The following HOOK1 variants were observed in gnomAD, a reference collection of about 807,000 sequenced individuals.
HOOK1 encodes the protein protein Hook homolog 1.
HOOK1 carries 60 observed loss-of-function variants against 112.8 expected under a neutral mutation model. That is an observed-to-expected ratio of 0.53 (90% CI 0.43 to 0.66). HOOK1 has a LOEUF of 0.66. HOOK1 is among the 30% of genes least tolerant of loss of function. HOOK1 has a pLI of 0.00. For missense variants in HOOK1, 770 were observed against 856.0 expected (o/e 0.90, Z 1.25); for synonymous variants, 294 against 283.8 (o/e 1.04, Z -0.36).
At chr1:59,824,485 C>A (rs556503318) in intron 2 of HOOK1, among the ~76,000 whole-genome samples, 57 of 152,156 alleles carry the variant, frequency 3.7e-4, no homozygotes, top group Non-Finnish European at 6.2e-4. Context: ...GGATTACAGG[C>A]GTGAGCCACC....
chr1:59,862,406 A>T (rs2098414110), intron 15 of HOOK1, among the ~76,000 whole-genome samples: 1 of 152,178 alleles, frequency 6.6e-6, no homozygotes, highest in Non-Finnish European at 1.5e-5. Flanking sequence ...CTCTTCCAAT[A>T]CGCTGTGAAA....
chr1:59,868,927 AT>A (rs1644012590), intron 20 of HOOK1, among the ~76,000 whole-genome samples: 3 of 152,164 alleles, frequency 2.0e-5, no homozygotes, highest in Non-Finnish European at 4.4e-5. Flanking sequence ...TTTTAAAGAT[AT>A]TTTTGTGTTA....
intron 1 of HOOK1, among the ~76,000 whole-genome samples, chr1:59,820,938 T>C (rs1025535601): frequency 2.0e-5 from 3 of 152,204 alleles, no homozygotes; most frequent in Non-Finnish European, 2.9e-5. Context: ...TGTTAGATAA[T>C]GGAGGTCTGA....
chr1:59,817,597 A>G (rs144515942), intron 1 of HOOK1, among the ~76,000 whole-genome samples: 3 of 152,250 alleles, frequency 2.0e-5, no homozygotes, highest in East Asian at 1.9e-4. Context: ...CTTCAAGCCT[A>G]TCATGCTGCA....
intron 9 of HOOK1, among the ~76,000 whole-genome samples, chr1:59,845,616 A>T (rs2098403344): frequency 6.6e-6 from 1 of 151,180 alleles, no homozygotes; most frequent in African/African-American, 2.4e-5. Flanking sequence ...GATTTTTGTC[A>T]GATGATTTTT....
chr1:59,853,318 T>C (rs752032253), intron 12 of HOOK1, among the ~76,000 whole-genome samples: 5 of 152,082 alleles, frequency 3.3e-5, no homozygotes, highest in Non-Finnish European at 7.4e-5. Context: ...GTAATTGTTA[T>C]ATCTTCCTGA....
At chr1:59,821,819 T>C in intron 1 of HOOK1, 39 bp from the exon 2 acceptor site, 1 of 1,406,292 alleles carries the variant, frequency 7.1e-7, no homozygotes, top group Non-Finnish European at 9.7e-7. Flanking sequence ...CTTGTAGGTA[T>C]AAAGAAGCAG....
chr1:59,844,082 A>G (rs1482422335), intron 9 of HOOK1, among the ~76,000 whole-genome samples: 2 of 152,022 alleles, frequency 1.3e-5, no homozygotes, highest in Non-Finnish European at 2.9e-5. Context: ...GACCTTGAGG[A>G]CAGGCACTCT....
At chr1:59,816,487 T>C (rs2098381633) in intron 1 of HOOK1, among the ~76,000 whole-genome samples, 1 of 152,260 alleles carries the variant, frequency 6.6e-6, no homozygotes, top group East Asian at 1.9e-4. Flanking sequence ...CCGAATCTGC[T>C]ACATTATTGT....
At position 59,874,342 on chromosome 1, in the gene HOOK1, A is replaced by T. The variant is rs940596335; in HGVS notation, c.*1377A>T. The T allele has an allele frequency of 6.6e-6, 1 of 152,170 alleles. No individual in the cohort carries two copies. Among genetic ancestry groups the T allele is most frequent in the Non-Finnish European group, 1.5e-5 (1 of 68,004 alleles). 9.4% of individuals were successfully genotyped at this position (152,170 alleles called of 1,614,324 possible). The stretch of plus-strand genomic sequence containing the variant: ...ATGTTAGACCACAAAAAGAAGAAAA[A>T]TGTTAGGACTATTTCAGATATAAAA... On this transcript the variant is annotated 3_prime_UTR_variant, in exon 22 of 22. Coordinates refer to ENST00000371208, the MANE Select transcript of HOOK1 (RefSeq NM_015888.6).
rs1008067928 is a variant in HOOK1, at chr1:59,860,469, C to T, written c.1532+141C>T. 1.9e-5 allele frequency: 12 copies of T among 631,314 alleles called. No homozygotes were observed. In the South Asian group the frequency reaches 3.8e-4, roughly 20 times the overall value. The allele number at this position is 631,314 out of a possible 1,614,324, so 39.1% of individuals were successfully genotyped here. ...ATAGTTTAATATTTTTGTTAGTAGT[C>T]TTTCATCACTATAAGCTTCTCTCTG... On this transcript the variant is annotated intron_variant, in intron 15 of 21. Transcript: ENST00000371208.
chr1:59,865,096 C>A, intron 17 of HOOK1, 67 bp from the exon 18 acceptor site: 2 of 931,492 alleles, frequency 2.1e-6, no homozygotes, highest in Non-Finnish European at 1.8e-6. Flanking sequence ...GGTCAGAAAG[C>A]AACTTGCCCA....
intron 1 of HOOK1, among the ~76,000 whole-genome samples, chr1:59,815,704 T>C (rs752424423): frequency 9.9e-5 from 15 of 152,048 alleles, no homozygotes; most frequent in Non-Finnish European, 1.9e-4. Context: ...TTCAGGACTC[T>C]AGAACATCCG....
intron 3 of HOOK1, among the ~76,000 whole-genome samples, 153 bp downstream of exon 3, chr1:59,829,005 T>C (rs2098391959): frequency 6.6e-6 from 1 of 152,132 alleles, no homozygotes; most frequent in South Asian, 2.1e-4. Context: ...GTAACTACCA[T>C]CATAATTAAA....
At chr1:59,824,945 T>G (rs2098388745) in intron 2 of HOOK1, among the ~76,000 whole-genome samples, 1 of 152,178 alleles carries the variant, frequency 6.6e-6, no homozygotes, top group South Asian at 2.1e-4. Flanking sequence ...TCTCACACTT[T>G]TGGAGGCTAG....
chr1:59,836,206 C>CT (rs1015197106), intron 6 of HOOK1, among the ~76,000 whole-genome samples: 2 of 152,048 alleles, frequency 1.3e-5, no homozygotes, highest in African/African-American at 4.8e-5. Context: ...GTCTAGTTAT[C>CT]TAAGTTGAGC....
At chr1:59,815,290 A>C (rs41287714) in intron 1 of HOOK1, 110 bp downstream of exon 1, 3 of 1,005,628 alleles carry the variant, frequency 3.0e-6, no homozygotes, top group Non-Finnish European at 4.3e-6. Flanking sequence ...GTCCCGGCGC[A>C]CCCTGCCCTT....
intron 15 of HOOK1, among the ~76,000 whole-genome samples, chr1:59,861,067 T>C (rs1004592620): frequency 6.6e-6 from 1 of 151,988 alleles, no homozygotes; most frequent in Non-Finnish European, 1.5e-5. Flanking sequence ...TGAGCCACCA[T>C]GCCTGGCCAA....
intron 12 of HOOK1, among the ~76,000 whole-genome samples, chr1:59,855,962 ATTATTAT>A (rs2098410351): frequency 1.2e-5 from 1 of 82,594 alleles, no homozygotes; most frequent in African/African-American, 6.3e-5. Context: ...ATATATATAA[ATTATTAT>A]ATATATATAT....
Sources: gnomAD v4.1 joint callset for allele counts (sites outside exome capture counted in the v4.1 genomes callset) on GRCh38, gnomAD v4.1.1 for gene constraint, MANE v1.5 for transcripts, NCBI Gene and HGNC (gene_info 2026-07-23, HGNC 2026-07-21) for gene names.